The following NELL2 variants were observed in gnomAD, a reference collection of about 807,000 sequenced individuals.
The protein encoded by NELL2 is neural EGFL like 2, also known as protein kinase C-binding protein NELL2.
Under a neutral mutation model 109.6 loss-of-function variants are expected in NELL2, and 41 were observed. The ratio of observed to expected loss-of-function variants is 0.37; its 90% CI spans 0.29 to 0.49. NELL2 has a LOEUF of 0.49. Ranked by LOEUF, NELL2 falls within the 20% of genes least tolerant of loss-of-function variation. The probability of loss-of-function intolerance (pLI) is 0.98; values close to 1 mark genes in which losing one functional copy is unlikely to be tolerated. For missense variants in NELL2, 900 were observed against 1,008.3 expected (o/e 0.89, Z 1.45); for synonymous variants, 355 against 344.7 (o/e 1.03, Z -0.33).
At chr12:44,813,190 C>A (rs1943235258) in intron 3 of NELL2, among the ~76,000 whole-genome samples, 1 of 152,154 alleles carries the variant, frequency 6.6e-6, no homozygotes, top group Non-Finnish European at 1.5e-5. Flanking sequence ...CAGGTCTACA[C>A]TCTTAATCAC....
At chr12:44,688,537 C>T (rs1161454862) in intron 12 of NELL2, among the ~76,000 whole-genome samples, 1 of 152,256 alleles carries the variant, frequency 6.6e-6, no homozygotes, top group Non-Finnish European at 1.5e-5. Flanking sequence ...TTTTAATAGA[C>T]GAGGAGGCTG....
At chr12:44,805,053 G>A (rs1942954226) in intron 3 of NELL2, among the ~76,000 whole-genome samples, 1 of 151,490 alleles carries the variant, frequency 6.6e-6, no homozygotes, top group South Asian at 2.1e-4. Flanking sequence ...AAGGTTCTTA[G>A]GAATTAAAAT....
chr12:44,803,853 T>G (rs1942914197), intron 3 of NELL2, among the ~76,000 whole-genome samples: 1 of 151,950 alleles, frequency 6.6e-6, no homozygotes, highest in African/African-American at 2.4e-5. Context: ...AATTAGTAAA[T>G]TTTAAAAGTT....
chr12:44,818,446 G>A (rs1943425870), intron 2 of NELL2, among the ~76,000 whole-genome samples: 1 of 152,196 alleles, frequency 6.6e-6, no homozygotes, highest in South Asian at 2.1e-4. Flanking sequence ...AATGGAGAAA[G>A]GATTACAGTG....
chr12:44,657,525 G>A (rs1267967161), intron 13 of NELL2, among the ~76,000 whole-genome samples: 5 of 152,050 alleles, frequency 3.3e-5, no homozygotes, highest in African/African-American at 1.2e-4. Context: ...TACATGTGCA[G>A]AACGTGCAGG....
In NELL2 at chr12:44,651,788, G is replaced by A. The variant is rs1947308966; in HGVS notation, c.1444+13696C>T. On this transcript the variant is annotated intron_variant, in intron 13 of 19. Transcript: ENST00000429094. ...TGTGGGTCAGACAGATAAAGCAAAT[G>A]GGTGAAACAGGCTGGCTATAAGAAT... 3.3e-5 allele frequency among the ~76,000 whole-genome samples: 5 copies of A among 152,080 alleles called. No individual in the cohort carries two copies. The South Asian group carries it at 6.2e-4, about 19-fold the overall frequency.
chr12:44,587,998 A>C (rs1944593994), intron 15 of NELL2, among the ~76,000 whole-genome samples: 1 of 152,012 alleles, frequency 6.6e-6, no homozygotes. Context: ...AAAAATACAA[A>C]AAATTAGCCA....
At chr12:44,510,529 G>A (rs1375177590) in intron 19 of NELL2, among the ~76,000 whole-genome samples, 1 of 152,206 alleles carries the variant, frequency 6.6e-6, no homozygotes, top group Non-Finnish European at 1.5e-5. Flanking sequence ...AAGGAAACCT[G>A]AAAAGATTTT....
chr12:44,534,630 T>C (rs1156497261), intron 15 of NELL2, among the ~76,000 whole-genome samples: 1 of 152,162 alleles, frequency 6.6e-6, no homozygotes, highest in Non-Finnish European at 1.5e-5. Flanking sequence ...TATGGTCTTT[T>C]CTTCTAACCG....
At chr12:44,686,704 G>T (rs1024631065) in intron 12 of NELL2, among the ~76,000 whole-genome samples, 3 of 152,088 alleles carry the variant, frequency 2.0e-5, no homozygotes. Flanking sequence ...CCTGCTGGGG[G>T]GTGCCTCCCA....
At chr12:44,855,522 C>T (rs1261346778) in intron 2 of NELL2, among the ~76,000 whole-genome samples, 1 of 152,160 alleles carries the variant, frequency 6.6e-6, no homozygotes, top group Admixed American at 6.6e-5. Context: ...TTTCAATCAT[C>T]CCTCATCTGG....
Position 44,901,946 on chromosome 12 carries a change from T to C in NELL2, c.38+11853A>G, listed in dbSNP as rs577606309. ...TATGACAAACCCACAGCCAATATTA[T>C]ACTGAATGGGCAAAGGCTGGAAGCA... On this transcript the variant is annotated intron_variant, in intron 1 of 20. Coordinates refer to the NELL2 transcript ENST00000333837. Among the ~76,000 whole-genome samples, 11 of 152,312 alleles carry C rather than the reference T, an allele frequency of 7.2e-5. No homozygotes were observed. The East Asian group carries it at 2.1e-3, about 29-fold the overall frequency.
At chr12:44,601,713 C>A (rs1945228782) in intron 15 of NELL2, among the ~76,000 whole-genome samples, 2 of 152,070 alleles carry the variant, frequency 1.3e-5, no homozygotes, top group Non-Finnish European at 2.9e-5. Context: ...GAGTGCTTAC[C>A]AAGTCTTCAA....
intron 9 of NELL2, among the ~76,000 whole-genome samples, chr12:44,764,542 A>T (rs1941252441): frequency 6.6e-6 from 1 of 152,340 alleles, no homozygotes; most frequent in South Asian, 2.1e-4. Context: ...TGATGTCTCC[A>T]GAACATCACA....
At chr12:44,711,467 T>G in intron 10 of NELL2, 73 bp from the exon 11 acceptor site, 1 of 1,296,016 alleles carries the variant, frequency 7.7e-7, no homozygotes, top group Non-Finnish European at 1.1e-6. Flanking sequence ...AGATCCAGCA[T>G]CTGAGAAGAC....
chr12:44,512,412 A>C (rs185453944), intron 19 of NELL2, among the ~76,000 whole-genome samples: 447 of 152,262 alleles, frequency 2.9e-3, no homozygotes, highest in African/African-American at 0.01. Context: ...TATAAAAAAC[A>C]GTATGAAAGT....
At chr12:44,776,696 A>G (rs144253228) in intron 7 of NELL2, among the ~76,000 whole-genome samples, 7 of 152,322 alleles carry the variant, frequency 4.6e-5, no homozygotes, top group African/African-American at 1.7e-4. Flanking sequence ...CTTTGATACA[A>G]TTCTGGTGTC....
At chr12:44,919,949 A>T (rs1945856616) in intron 1 of NELL2, among the ~76,000 whole-genome samples, 1 of 152,234 alleles carries the variant, frequency 6.6e-6, no homozygotes, top group Non-Finnish European at 1.5e-5. Flanking sequence ...ATAGCCATGC[A>T]TTCATAAGCC....
intron 11 of NELL2, 48 bp downstream of exon 11, chr12:44,711,244 A>G: frequency 7.6e-7 from 1 of 1,315,212 alleles, no homozygotes; most frequent in Non-Finnish European, 1.1e-6. Context: ...GTACTAGCCT[A>G]CTATAATAAC....
Sources: allele counts gnomAD v4.1 joint callset (sites outside exome capture counted in the v4.1 genomes callset), GRCh38; gene constraint gnomAD v4.1.1; transcripts MANE v1.5; gene names NCBI Gene and HGNC (gene_info 2026-07-23, HGNC 2026-07-21).